Variants in PRR16 observed in about 807,000 individuals in gnomAD.
PRR16 encodes the protein proline rich 16, also known as protein Largen.
In PRR16, 6 loss-of-function variants were observed where a neutral mutation model predicts 18.2. That is an observed-to-expected ratio of 0.33 (90% confidence interval 0.18 to 0.65). The LOEUF (loss-of-function observed/expected upper bound fraction) is 0.65, where lower values mean the gene tolerates loss of function less well. Ranked by LOEUF, PRR16 falls within the 30% of genes least tolerant of loss-of-function variation. The pLI is 0.74. For missense variants in PRR16, 412 were observed against 376.6 expected (o/e 1.09, Z -0.78); for synonymous variants, 151 against 147.8 (o/e 1.02, Z -0.16).
At chr5:120,737,115 T>G in the PRR16 span, among the ~76,000 whole-genome samples, 1 of 152,156 alleles carries the variant, frequency 6.6e-6, no homozygotes, top group African/African-American at 2.4e-5. Flanking sequence ...TTTTTTTCTT[T>G]GCCTAACTGC....
chr5:120,594,745 T>C (rs1202174201), intron 1 of PRR16, among the ~76,000 whole-genome samples: 5 of 151,884 alleles, frequency 3.3e-5, no homozygotes, highest in African/African-American at 1.2e-4. Context: ...GCATGGTACT[T>C]GTACAAACAC....
intron 1 of PRR16, among the ~76,000 whole-genome samples, chr5:120,556,174 G>A (rs959659421): frequency 2.0e-5 from 3 of 148,040 alleles, no homozygotes; most frequent in East Asian, 2.0e-4. Flanking sequence ...TAAACAACTC[G>A]CCTATTCTCC....
At chr5:120,761,313 T>C in the PRR16 span, among the ~76,000 whole-genome samples, 3 of 152,214 alleles carry the variant, frequency 2.0e-5, no homozygotes, top group East Asian at 5.8e-4. Flanking sequence ...CCCCAAGGTG[T>C]AGTTTATAAC....
rs544497419 is a variant in PRR16, at chr5:120,538,968, G to C, written c.159+74323G>C. Among the ~76,000 whole-genome samples the C allele has an allele frequency of 1.6e-4, 25 of 152,200 alleles. No homozygotes were observed. In the South Asian group the frequency reaches 5.2e-3, roughly 32 times the overall value. ...AATGAGTGAAGTAAAATACAGAGAA[G>C]GAAAATTGGTTTGAAGGAAAATGGC... On this transcript the variant is annotated intron_variant, in intron 1 of 1. Coordinates refer to ENST00000407149, the MANE Select transcript of PRR16 (RefSeq NM_001300783.2).
chr5:120,737,952 A>G, the PRR16 span, among the ~76,000 whole-genome samples: 12 of 152,108 alleles, frequency 7.9e-5, no homozygotes, highest in African/African-American at 2.9e-4. Flanking sequence ...CTAACACAAT[A>G]TTGATGTTGA....
chr5:120,495,533 A>G (rs1750216120), intron 1 of PRR16, among the ~76,000 whole-genome samples: 1 of 152,118 alleles, frequency 6.6e-6, no homozygotes, highest in Non-Finnish European at 1.5e-5. Flanking sequence ...CAGCACATGG[A>G]AAATTCAAGT....
At chr5:120,487,613 T>A (rs1489877424) in intron 1 of PRR16, among the ~76,000 whole-genome samples, 1 of 152,184 alleles carries the variant, frequency 6.6e-6, no homozygotes, top group Non-Finnish European at 1.5e-5. Flanking sequence ...TTTGACTTCC[T>A]CTTTTCCTAA....
the PRR16 span, among the ~76,000 whole-genome samples, chr5:120,735,609 A>G: frequency 1.3e-5 from 2 of 152,058 alleles, no homozygotes; most frequent in African/African-American, 2.4e-5. Flanking sequence ...GGCCATTTGC[A>G]TATCTTTGGA....
intron 1 of PRR16, among the ~76,000 whole-genome samples, chr5:120,517,080 A>G (rs1751020914): frequency 6.6e-6 from 1 of 152,226 alleles, no homozygotes; most frequent in South Asian, 2.1e-4. Context: ...AAAAATTGCT[A>G]GCAAAAAAAT....
At chr5:120,496,596 T>C (rs1257859182) in intron 1 of PRR16, among the ~76,000 whole-genome samples, 2 of 152,036 alleles carry the variant, frequency 1.3e-5, no homozygotes, top group Non-Finnish European at 2.9e-5. Flanking sequence ...TCTTCTCTCT[T>C]GTTTTCTTTG....
the PRR16 span, among the ~76,000 whole-genome samples, chr5:120,754,644 T>TATA: frequency 7.6e-6 from 1 of 131,174 alleles, no homozygotes; most frequent in African/African-American, 2.9e-5. Context: ...ATATAAAGTA[T>TATA]TTATATATTA....
intron 1 of PRR16, among the ~76,000 whole-genome samples, chr5:120,640,431 G>T (rs1174593316): frequency 6.6e-6 from 1 of 152,098 alleles, no homozygotes; most frequent in Admixed American, 6.6e-5. Context: ...AGAGAAACAT[G>T]AGCCACGCAC....
At chr5:120,676,005 A>G (rs973563) in intron 1 of PRR16, among the ~76,000 whole-genome samples, 143,676 of 152,252 alleles carry the variant, frequency 0.94, 68,223 homozygotes, top group East Asian at 1. Context: ...ACCTTACTCT[A>G]TTTCCAAAAA....
intron 1 of PRR16, among the ~76,000 whole-genome samples, chr5:120,548,667 AT>A (rs1240396043): frequency 6.8e-6 from 1 of 147,136 alleles, no homozygotes; most frequent in Non-Finnish European, 1.5e-5. Context: ...TCCTGGAACT[AT>A]CTTTTATCAG....
chr5:120,691,853 G>A (rs1368057410), downstream of PRR16, among the ~76,000 whole-genome samples: 1 of 152,140 alleles, frequency 6.6e-6, no homozygotes, highest in African/African-American at 2.4e-5. Context: ...TCCTTATCAA[G>A]GGCTTACTTT....
chr5:120,759,616 T>C, the PRR16 span, among the ~76,000 whole-genome samples: 1 of 152,142 alleles, frequency 6.6e-6, no homozygotes, highest in East Asian at 1.9e-4. Context: ...CTTGTAACAT[T>C]ATGTATTTGT....
the PRR16 span, among the ~76,000 whole-genome samples, chr5:120,740,860 TG>T: frequency 6.6e-6 from 1 of 152,142 alleles, no homozygotes; most frequent in Non-Finnish European, 1.5e-5. Context: ...TACTTTAAAA[TG>T]TTATTTTTAT....
intron 1 of PRR16, among the ~76,000 whole-genome samples, chr5:120,471,444 T>C (rs1238887130): frequency 6.6e-6 from 1 of 152,148 alleles, no homozygotes; most frequent in Non-Finnish European, 1.5e-5. Context: ...TTAAGTTTTC[T>C]GAGATGTTTG....
At chr5:120,685,896 T>A in intron 1 of PRR16, 58 bp from the exon 2 acceptor site, 1 of 1,501,344 alleles carries the variant, frequency 6.7e-7, no homozygotes, top group Non-Finnish European at 9.0e-7. Flanking sequence ...AATAAATTGT[T>A]TCTAGTATAC....
Sources: allele counts gnomAD v4.1 joint callset (sites outside exome capture counted in the v4.1 genomes callset), GRCh38; gene constraint gnomAD v4.1.1; transcripts MANE v1.5; gene names NCBI Gene and HGNC (gene_info 2026-07-23, HGNC 2026-07-21).